The following PHC1 variants were observed in gnomAD, a reference collection of about 807,000 sequenced individuals.
The protein encoded by PHC1 is polyhomeotic-like protein 1.
In PHC1, 12 loss-of-function variants were observed where a neutral mutation model predicts 104.3. That is an observed-to-expected ratio of 0.12 (90% CI 0.07 to 0.19). PHC1 has a LOEUF of 0.19. Among genes scored for constraint, PHC1 ranks in the 10% least tolerant of loss-of-function variants. The pLI is 1.00. For synonymous variants in PHC1, 302 were observed against 455.8 expected, an observed-to-expected ratio of 0.66 and a Z score of 4.30; for missense variants, 671 against 1,200.0, an observed-to-expected ratio of 0.56 and a Z score of 6.51.
intron 2 of PHC1, among the ~76,000 whole-genome samples, chr12:8,918,817 C>T (rs981986989): frequency 5.3e-5 from 8 of 152,168 alleles, no homozygotes; most frequent in African/African-American, 1.9e-4. Flanking sequence ...CACTTAATGA[C>T]AGGAACGCGT....
Position 8,921,656 on chromosome 12 carries a change from G to A in PHC1, c.362G>A (p.Ser121Asn). The A allele has an allele frequency of 1.2e-6, 2 of 1,613,638 alleles. No homozygotes were observed. The highest frequency in any genetic ancestry group is 2.2e-5 in the South Asian group (2 of 91,016). ...AQLISRSQSV[S>N]SPSATTLTQS... The stretch of plus-strand genomic sequence containing the variant: ...CTCATCAGCCGATCCCAGAGTGTGA[G>A]CTCTCCCAGTGCTACCACCTTGACC... The change falls in exon 5 of 15, where the codon AGC (serine) becomes AAC (asparagine). Residue 121 changes from serine to asparagine, a missense_variant. Physicochemically the swap from Ser to Asn is conservative, Grantham distance 46 (BLOSUM62 1). Coordinates refer to ENST00000544916, the MANE Select transcript of PHC1 (RefSeq NM_004426.3).
At chr12:8,938,527 CT>C (rs1391644300) in intron 14 of PHC1, among the ~76,000 whole-genome samples, 1 of 151,168 alleles carries the variant, frequency 6.6e-6, no homozygotes, top group Admixed American at 6.6e-5. Flanking sequence ...AGAGATCCTT[CT>C]GCCTTGGCTT....
At position 8,934,331 on chromosome 12, in the gene PHC1, C is replaced by T. The variant is rs878869245; in HGVS notation, c.2106C>T (p.Thr702=). The change falls in exon 10 of 15, where the codon ACC becomes ACT. Residue 702 remains threonine (T), a synonymous_variant. Transcript: ENST00000544916. ...NTPSSELVAL[T]PAPSVPPPTL... ...CAAGCAGTGAACTAGTAGCCTTGAC[C>T]CCCGCCCCTTCAGTACCGCCTCCTA... The T allele has an allele frequency of 6.2e-7, 1 of 1,614,010 alleles. No homozygotes were observed. The highest frequency in any genetic ancestry group is 8.5e-7 in the Non-Finnish European group (1 of 1,179,942).
At chr12:8,932,523 T>C in intron 7 of PHC1, 40 bp from the exon 8 acceptor site, 1 of 1,594,290 alleles carries the variant, frequency 6.3e-7, no homozygotes, top group South Asian at 1.1e-5. Context: ...TATTCTCTGC[T>C]CTTTTTTCTC....
At chr12:8,924,017 T>C (rs944824271) in intron 6 of PHC1, among the ~76,000 whole-genome samples, 1 of 152,170 alleles carries the variant, frequency 6.6e-6, no homozygotes, top group Non-Finnish European at 1.5e-5. Flanking sequence ...ACAGATGATG[T>C]GCAAACACTG....
intron 6 of PHC1, 84 bp downstream of exon 6, chr12:8,922,872 C>T: frequency 8.4e-7 from 1 of 1,191,206 alleles, no homozygotes; most frequent in Non-Finnish European, 1.2e-6. Flanking sequence ...CCTTCTGCCC[C>T]ATTACACTTT....
Position 8,939,465 on chromosome 12 carries a change from C to G in PHC1, c.*6C>G. 8 of 1,507,348 alleles carry G rather than the reference C, an allele frequency of 5.3e-6. No individual in the cohort carries two copies. The highest frequency in any genetic ancestry group is 7.2e-6 in the Non-Finnish European group (8 of 1,108,040). 93.4% of individuals were successfully genotyped at this position (1,507,348 alleles called of 1,614,324 possible). ...ATGTCCTCAAGGAGACCTAAGGTGGCCCTCTTGCACAAACCAGCCTAAGGC... is the reference window on the plus strand; with the variant it reads ...ATGTCCTCAAGGAGACCTAAGGTGGGCCTCTTGCACAAACCAGCCTAAGGC... On this transcript the variant is annotated 3_prime_UTR_variant, in exon 15 of 15. Transcript: ENST00000544916.
chr12:8,931,610 G>C (rs753211627), intron 7 of PHC1, among the ~76,000 whole-genome samples: 1 of 152,232 alleles, frequency 6.6e-6, no homozygotes, highest in Non-Finnish European at 1.5e-5. Flanking sequence ...TGAAGCAGGA[G>C]AGTAGCTTGA....
chr12:8,926,225 G>C (rs868123861), intron 6 of PHC1, among the ~76,000 whole-genome samples: 21 of 152,150 alleles, frequency 1.4e-4, no homozygotes, highest in Admixed American at 1.2e-3. Context: ...TCAGAGGAGA[G>C]GTCTGGGTTG....
At position 8,914,826 on chromosome 12, in the gene PHC1, A is replaced by C. The variant is rs1459910947; in HGVS notation, c.-50A>C. The C allele has an allele frequency of 6.5e-6, 1 of 154,184 alleles. No individual in the cohort carries two copies. Among genetic ancestry groups the C allele is most frequent in the East Asian group, 1.9e-4 (1 of 5,172 alleles). The allele number at this position is 154,184 out of a possible 1,614,324, so 9.6% of individuals were successfully genotyped here. A position where few individuals can be genotyped will look rare whatever the true frequency, so the allele number is the denominator to read the frequency against. On this transcript the variant is annotated splice_region_variant and 5_prime_UTR_variant, in exon 1 of 15. Coordinates refer to ENST00000544916, the MANE Select transcript of PHC1 (RefSeq NM_004426.3). ...GACTTGGGTGCACAGCCAGGCGAGA[A>C]GGTAACCGGGCGACCGAGGGCCGGG...
Position 8,936,870 on chromosome 12 carries a change from G to A in PHC1, c.2383G>A (p.Ala795Thr), listed in dbSNP as rs772055242. The A allele has an allele frequency of 6.2e-6, 10 of 1,609,150 alleles. No individual in the cohort carries two copies. Among genetic ancestry groups the A allele is most frequent in the East Asian group, 4.5e-5 (2 of 44,862 alleles). Residue 795 changes from alanine to threonine, a missense_variant, in exon 12 of 15, where the codon GCG (alanine) becomes ACG (threonine). Around this residue, in one of 9 missense-constraint regions of PHC1, gnomAD observed 192 missense variants for 280.5 expected, o/e 0.68. Coordinates refer to ENST00000544916, the MANE Select transcript of PHC1 (RefSeq NM_004426.3). ...TTGTTTTTTAGAGTTAGATAAGAAGGCGAATCTCCTGAAGTGCGAGTACTG... is the reference window on the plus strand; with the variant it reads ...TTGTTTTTTAGAGTTAGATAAGAAGACGAATCTCCTGAAGTGCGAGTACTG... ...DSPSAELDKK[A>T]NLLKCEYCGK...
intron 6 of PHC1, among the ~76,000 whole-genome samples, chr12:8,924,617 G>T (rs1298150625): frequency 6.6e-6 from 1 of 152,236 alleles, no homozygotes. Flanking sequence ...GATTTGGAGT[G>T]AGAAGAAAAC....
intron 10 of PHC1, among the ~76,000 whole-genome samples, chr12:8,934,845 G>C (rs1945789234): frequency 6.6e-6 from 1 of 152,138 alleles, no homozygotes; most frequent in Non-Finnish European, 1.5e-5. Context: ...ACCATAGGAA[G>C]GAAGAGGACA....
In PHC1 at chr12:8,921,005, G is replaced by T. The variant is rs973838929; in HGVS notation, c.246G>T (p.Arg82=). ...AATAGGCCACAATTGCTGCCAGTCG[G>T]CAGGCCAGCTCCCCAAACACCAGCA... is the stretch of plus-strand genomic sequence containing the variant. ...AVQQATIAAS[R]QASSPNTSTT... Residue 82 remains arginine (R), a synonymous_variant, in exon 4 of 15, where the codon CGG becomes CGT. Transcript: ENST00000544916. 2 of 1,612,044 alleles carry T rather than the reference G, an allele frequency of 1.2e-6. No individual in the cohort carries two copies. The highest frequency in any genetic ancestry group is 2.7e-5 in the African/African-American group (2 of 74,740).
chr12:8,913,928 T>G (rs922905350), upstream of PHC1: 9 of 152,318 alleles, frequency 5.9e-5, no homozygotes, highest in Non-Finnish European at 2.9e-5. Flanking sequence ...TGCAGCATTC[T>G]TTCCCGCCTT....
chr12:8,937,170 C>G lies in PHC1; in HGVS notation c.2478-6C>G, dbSNP rs781352371. On this transcript the variant is annotated splice_polypyrimidine_tract_variant and splice_region_variant and intron_variant, in intron 12 of 14. Coordinates refer to ENST00000544916, the MANE Select transcript of PHC1 (RefSeq NM_004426.3). Reference sequence around the variant, plus strand: ...ATTGACATCCTATATATGCCCTGTCCTGTAGGTACAATGTGAGCTGTAGCC... The same window carrying G: ...ATTGACATCCTATATATGCCCTGTCGTGTAGGTACAATGTGAGCTGTAGCC... The G allele has an allele frequency of 6.2e-7, 1 of 1,610,302 alleles. No homozygotes were observed. The highest frequency in any genetic ancestry group is 8.5e-7 in the Non-Finnish European group (1 of 1,178,100).
intron 5 of PHC1, among the ~76,000 whole-genome samples, chr12:8,922,071 C>T (rs948192290): frequency 6.6e-6 from 1 of 152,220 alleles, no homozygotes; most frequent in African/African-American, 2.4e-5. Context: ...GCCTCGGCCT[C>T]CCAAAGTGCT....
intron 8 of PHC1, 86 bp from the exon 9 acceptor site, chr12:8,933,779 T>C: frequency 8.6e-7 from 1 of 1,156,690 alleles, no homozygotes; most frequent in Non-Finnish European, 1.2e-6. Context: ...CTAAGAAAAT[T>C]TTCTTTGAAC....
intron 11 of PHC1, among the ~76,000 whole-genome samples, chr12:8,936,297 G>A (rs1045594292): frequency 3.3e-5 from 5 of 152,156 alleles, no homozygotes; most frequent in African/African-American, 7.2e-5. Context: ...TGGGAGGATC[G>A]CTTGAGCCCG....
Sources: allele counts gnomAD v4.1 joint callset (sites outside exome capture counted in the v4.1 genomes callset), GRCh38; gene constraint gnomAD v4.1.1; regional missense constraint gnomAD v4.1.1; transcripts MANE v1.5; gene names NCBI Gene and HGNC (gene_info 2026-07-23, HGNC 2026-07-21).